Variants in SORCS2 observed in about 807,000 individuals in gnomAD.
SORCS2 encodes the protein VPS10 domain-containing receptor SorCS2.
In SORCS2, 100 loss-of-function variants were observed where a neutral mutation model predicts 141.6. That is an observed-to-expected ratio of 0.71 (90% CI 0.60 to 0.83). The LOEUF (loss-of-function observed/expected upper bound fraction) is 0.83, where lower values mean the gene tolerates loss of function less well. SORCS2 is among the 40% of genes least tolerant of loss of function. The pLI, the probability that SORCS2 is intolerant of heterozygous loss-of-function variation, is 0.00. For synonymous variants in SORCS2, 789 were observed against 676.9 expected (o/e 1.17, Z -2.57); for missense variants, 1,646 against 1,560.2 (o/e 1.05, Z -0.93).
At chr4:7,613,342 G>A (rs895947134) in intron 3 of SORCS2, among the ~76,000 whole-genome samples, 3 of 152,218 alleles carry the variant, frequency 2.0e-5, no homozygotes, top group Non-Finnish European at 2.9e-5. Context: ...AGTCGCGGGC[G>A]CTGTCTGTTC....
intron 3 of SORCS2, among the ~76,000 whole-genome samples, chr4:7,553,315 A>T (rs543396600): frequency 6.7e-6 from 1 of 149,490 alleles, no homozygotes. Context: ...GAGAGGGGGG[A>T]AAAAAAACCA....
chr4:7,426,319 G>A (rs1726436170), intron 2 of SORCS2, among the ~76,000 whole-genome samples: 1 of 36,700 alleles, frequency 2.7e-5, no homozygotes, highest in South Asian at 5.3e-4. Context: ...GCCCGAGGAC[G>A]GCTTTGCTGG....
chr4:7,206,624 C>T (rs1727757142), intron 1 of SORCS2, among the ~76,000 whole-genome samples: 1 of 152,082 alleles, frequency 6.6e-6, no homozygotes, highest in Non-Finnish European at 1.5e-5. Context: ...TGAGAGGAGT[C>T]CTGGGCAGAG....
intron 5 of SORCS2, 69 bp from the exon 6 acceptor site, chr4:7,661,431 G>A (rs1283399348): frequency 4.0e-6 from 6 of 1,512,816 alleles, no homozygotes; most frequent in Non-Finnish European, 4.5e-6. Flanking sequence ...TGCAGGGAGT[G>A]TGGGGAGCAG....
intron 2 of SORCS2, among the ~76,000 whole-genome samples, chr4:7,411,334 C>G (rs1725294575): frequency 6.6e-6 from 1 of 152,048 alleles, no homozygotes; most frequent in African/African-American, 2.4e-5. Flanking sequence ...CTTCTAGCTT[C>G]TCTGCCTACT....
intron 3 of SORCS2, among the ~76,000 whole-genome samples, chr4:7,551,910 G>C (rs990641934): frequency 1.4e-4 from 22 of 152,232 alleles, no homozygotes; most frequent in Non-Finnish European, 2.9e-5. Context: ...TCTGGTGTAA[G>C]AGAATAATTA....
At chr4:7,211,002 C>G (rs1412354053) in intron 1 of SORCS2, among the ~76,000 whole-genome samples, 1 of 152,238 alleles carries the variant, frequency 6.6e-6, no homozygotes, top group Non-Finnish European at 1.5e-5. Context: ...CCAGGCTCCA[C>G]TGCTCCTTGG....
At chr4:7,503,693 T>C (rs1732109028) in intron 2 of SORCS2, among the ~76,000 whole-genome samples, 1 of 152,102 alleles carries the variant, frequency 6.6e-6, no homozygotes, top group Non-Finnish European at 1.5e-5. Context: ...GAAACAGACA[T>C]GCAGATGCTG....
At chr4:7,392,100 C>T (rs1173673070) in intron 1 of SORCS2, among the ~76,000 whole-genome samples, 1 of 152,246 alleles carries the variant, frequency 6.6e-6, no homozygotes, top group Non-Finnish European at 1.5e-5. Flanking sequence ...TCAGGGGCTT[C>T]GTGGCTGCGC....
At chr4:7,477,318 A>G (rs79654262) in intron 2 of SORCS2, among the ~76,000 whole-genome samples, 1 of 13,142 alleles carries the variant, frequency 7.6e-5, no homozygotes, top group African/African-American at 1.4e-4. Context: ...GAGGATGACC[A>G]TGGCTGACTG....
At chr4:7,378,766 C>T (rs919029662) in intron 1 of SORCS2, among the ~76,000 whole-genome samples, 1 of 152,194 alleles carries the variant, frequency 6.6e-6, no homozygotes, top group Non-Finnish European at 1.5e-5. Flanking sequence ...TCCCCATCTC[C>T]ACCCTGCCCA....
chr4:7,439,377 C>T (rs982354465), intron 2 of SORCS2, among the ~76,000 whole-genome samples: 25 of 152,162 alleles, frequency 1.6e-4, no homozygotes, highest in Admixed American at 9.8e-4. Flanking sequence ...ATACCCAAGA[C>T]ATTTTAGAAA....
intron 2 of SORCS2, among the ~76,000 whole-genome samples, chr4:7,512,372 G>GGGAAGAA (rs1560345257): frequency 2.7e-5 from 4 of 148,500 alleles, no homozygotes; most frequent in Non-Finnish European, 6.0e-5. Flanking sequence ...GATGGAGGGA[G>GGGAAGAA]GGAGGGAAGA....
At chr4:7,739,048 G>A (rs977491254) in intron 26 of SORCS2, among the ~76,000 whole-genome samples, 6 of 152,162 alleles carry the variant, frequency 3.9e-5, no homozygotes, top group African/African-American at 2.4e-5. Flanking sequence ...CCAGCTCAGC[G>A]CCTCCCAGAC....
intron 3 of SORCS2, among the ~76,000 whole-genome samples, chr4:7,554,889 C>T (rs77950900): frequency 0.054 from 8,240 of 152,232 alleles, 287 homozygotes; most frequent in African/African-American, 0.1. Context: ...GCCTCCAGAA[C>T]ACTAGGGCAG....
chr4:7,725,061 A>T lies in SORCS2; in HGVS notation c.2612-93A>T, dbSNP rs111271677. On this transcript the variant is annotated intron_variant, in intron 19 of 26. Transcript: ENST00000507866. ...TGGTAGTGGTGGTGGTGATGATAGC[A>T]ATGAAGTTGCTGGTGACAGTGATCA... The T allele has an allele frequency of 0.012, 16,768 of 1,369,044 alleles. 1,017 individuals are homozygous for T. The African/African-American group carries it at 0.16, about 13-fold the overall frequency. 84.8% of individuals were successfully genotyped at this position (1,369,044 alleles called of 1,614,324 possible). A position where few individuals can be genotyped will look rare whatever the true frequency, so the allele number is the denominator to read the frequency against.
chr4:7,404,311 T>A (rs931986628), intron 2 of SORCS2, among the ~76,000 whole-genome samples: 1 of 152,074 alleles, frequency 6.6e-6, no homozygotes, highest in African/African-American at 2.4e-5. Flanking sequence ...AACATATGAG[T>A]GCAGGTGTCT....
chr4:7,540,578 C>G (rs896249393), intron 3 of SORCS2, among the ~76,000 whole-genome samples: 8 of 152,220 alleles, frequency 5.3e-5, no homozygotes, highest in African/African-American at 1.9e-4. Context: ...TGCATGGTCC[C>G]ATGGTGCCGA....
intron 2 of SORCS2, among the ~76,000 whole-genome samples, chr4:7,505,838 C>T (rs371489258): frequency 1.3e-5 from 2 of 152,262 alleles, no homozygotes; most frequent in East Asian, 1.9e-4. Flanking sequence ...GGATAATTGT[C>T]GCGGGGCCCT....
Sources: allele counts gnomAD v4.1 joint callset (sites outside exome capture counted in the v4.1 genomes callset), GRCh38; gene constraint gnomAD v4.1.1; transcripts MANE v1.5; gene names NCBI Gene and HGNC (gene_info 2026-07-23, HGNC 2026-07-21).